The following TNN variants were observed in gnomAD, a reference collection of about 807,000 sequenced individuals.
TNN encodes the protein tenascin N.
A neutral mutation model predicts 134.4 loss-of-function variants in TNN; 122 were observed. The observed-to-expected ratio is 0.91, with a 90% confidence interval of 0.78 to 1.06. The LOEUF is 1.06. TNN is among the 50% of genes least tolerant of loss of function. TNN has a pLI of 0.00. For synonymous variants in TNN, 710 were observed against 670.3 expected, an observed-to-expected ratio of 1.06 and a Z score of -0.91; for missense variants, 1,739 against 1,699.4, an observed-to-expected ratio of 1.02 and a Z score of -0.41.
At chr1:175,138,350 G>A (rs1361433033) in intron 17 of TNN, among the ~76,000 whole-genome samples, 2 of 152,180 alleles carry the variant, frequency 1.3e-5, no homozygotes, top group African/African-American at 4.8e-5. Context: ...TTGCTAGCAG[G>A]ACTTTTCTAT....
intron 1 of TNN, among the ~76,000 whole-genome samples, chr1:175,071,216 C>A (rs537505716): frequency 6.6e-6 from 1 of 152,332 alleles, no homozygotes; most frequent in African/African-American, 2.4e-5. Context: ...AGGTCTGTAA[C>A]AGTGGCTAGA....
intron 5 of TNN, among the ~76,000 whole-genome samples, 161 bp downstream of exon 5, chr1:175,084,096 G>A (rs1328104467): frequency 1.3e-5 from 2 of 152,218 alleles, no homozygotes; most frequent in Non-Finnish European, 2.9e-5. Flanking sequence ...CCAGACATAA[G>A]CCCACCTGGG....
Position 175,135,912 on chromosome 1 carries a change from T to C in TNN, c.3398T>C (p.Phe1133Ser). Residue 1133 changes from phenylalanine to serine, a missense_variant, in exon 16 of 19, where the codon TTT (phenylalanine) becomes TCT (serine). Transcript: ENST00000239462. ...FKRWRSYVEGFGDPMKEFWLG... is the reference protein window; with the variant it reads ...FKRWRSYVEGSGDPMKEFWLG... The stretch of plus-strand genomic sequence containing the variant: ...CGATGGAGGAGCTATGTGGAAGGCT[T>C]TGGGGACCCCATGAAGGAGTTCTGG... 8 of 1,613,748 alleles carry C rather than the reference T, an allele frequency of 5.0e-6. No individual in the cohort carries two copies. The highest frequency in any genetic ancestry group is 6.8e-6 in the Non-Finnish European group (8 of 1,179,792).
intron 10 of TNN, 121 bp from the exon 11 acceptor site, chr1:175,118,440 G>C: frequency 8.3e-7 from 1 of 1,208,754 alleles, no homozygotes; most frequent in East Asian, 2.3e-5. Context: ...AATGAAACAA[G>C]AGCATATGAG....
chr1:175,132,080 G>A (rs1415304631), intron 15 of TNN, among the ~76,000 whole-genome samples: 1 of 152,058 alleles, frequency 6.6e-6, no homozygotes, highest in African/African-American at 2.4e-5. Flanking sequence ...TGGTGGGAAC[G>A]TGATTTGACA....
chr1:175,128,802 G>A (rs556506068), intron 15 of TNN, 56 bp downstream of exon 15: 1 of 1,540,850 alleles, frequency 6.5e-7, no homozygotes, highest in East Asian at 2.3e-5. Flanking sequence ...CTCAGCCCAG[G>A]ATGCCGGTCA....
intron 1 of TNN, among the ~76,000 whole-genome samples, chr1:175,068,198 C>G (rs540220296): frequency 6.6e-6 from 1 of 152,262 alleles, no homozygotes; most frequent in East Asian, 1.9e-4. Context: ...ACAGATGCGT[C>G]TGTGTTGTAT....
At chr1:175,073,336 G>A (rs559301241) in intron 1 of TNN, among the ~76,000 whole-genome samples, 9 of 152,228 alleles carry the variant, frequency 5.9e-5, no homozygotes, top group East Asian at 1.9e-4. Context: ...TGTGATGAAC[G>A]TCTAAGGATG....
intron 12 of TNN, among the ~76,000 whole-genome samples, chr1:175,126,450 C>T (rs565227122): frequency 6.6e-6 from 1 of 152,292 alleles, no homozygotes; most frequent in Non-Finnish European, 1.5e-5. Context: ...CCATATTCTA[C>T]TTAGGGTAAG....
intron 9 of TNN, among the ~76,000 whole-genome samples, chr1:175,101,320 G>A (rs1001749463): frequency 4.6e-5 from 7 of 152,000 alleles, no homozygotes; most frequent in Non-Finnish European, 1.0e-4. Flanking sequence ...GGAGTTGTTG[G>A]TTCCTCCCGG....
Position 175,123,396 on chromosome 1 carries a change from A to G in TNN, c.2651-4A>G. On this transcript the variant is annotated splice_region_variant and splice_polypyrimidine_tract_variant and intron_variant, in intron 11 of 18. Coordinates refer to ENST00000239462, the MANE Select transcript of TNN (RefSeq NM_022093.2). ...TTCAGCCTTTTCTAAATCTTTTTAAAAAGAAATTGACGGCCCCAAAAACCT... is the reference window on the plus strand; with the variant it reads ...TTCAGCCTTTTCTAAATCTTTTTAAGAAGAAATTGACGGCCCCAAAAACCT... 6.2e-7 allele frequency: 1 copy of G among 1,612,868 alleles called. No individual in the cohort carries two copies. Among genetic ancestry groups the G allele is most frequent in the East Asian group, 2.2e-5 (1 of 44,886 alleles).
chr1:175,145,783 C>A (rs1460510139), intron 18 of TNN, among the ~76,000 whole-genome samples: 1 of 151,974 alleles, frequency 6.6e-6, no homozygotes, highest in African/African-American at 2.4e-5. Flanking sequence ...ATTTCTCAAG[C>A]CTCCTCTGCC....
In TNN at chr1:175,119,791, T is replaced by C. The variant is rs11588560; in HGVS notation, c.2650+967T>C. On this transcript the variant is annotated intron_variant, in intron 11 of 18. Transcript: ENST00000239462. ...CTGGGATTACAAGCGCCCGCCACCA[T>C]GCCCGGCTAATTTTGTTTTTGTATT... Among the ~76,000 whole-genome samples, 906 of 152,046 alleles carry C rather than the reference T, an allele frequency of 6.0e-3. 6 individuals are homozygous for C. The highest frequency in any genetic ancestry group is 8.6e-3 in the Non-Finnish European group (584 of 67,956).
chr1:175,144,379 TC>T lies in TNN; in HGVS notation c.3596-6del, dbSNP rs1423543400. On this transcript the variant is annotated splice_region_variant and splice_polypyrimidine_tract_variant and intron_variant, in intron 17 of 18. Transcript: ENST00000239462. ...TGGGCTCTCGCCTCCGTCTCTTCTC[TC>T]CTGCAGGGGATGCTCTTACTTACCA... 6.2e-7 allele frequency: 1 copy of T among 1,613,610 alleles called. No homozygotes were observed.
chr1:175,070,673 T>C (rs994076841), intron 1 of TNN, among the ~76,000 whole-genome samples: 1 of 152,184 alleles, frequency 6.6e-6, no homozygotes. Flanking sequence ...GAAATAAAAA[T>C]GTTTGTATGT....
intron 17 of TNN, 26 bp downstream of exon 17, chr1:175,137,014 G>A (rs757761454): frequency 1.1e-5 from 18 of 1,611,208 alleles, no homozygotes; most frequent in South Asian, 1.1e-4. Flanking sequence ...TTCTTACTGC[G>A]AAGGTCTCTT....
At chr1:175,125,609 TTCTC>T (rs749853192) in intron 12 of TNN, among the ~76,000 whole-genome samples, 176 of 146,694 alleles carry the variant, frequency 1.2e-3, no homozygotes, top group Middle Eastern at 3.5e-3. Flanking sequence ...CTTTCTTTCT[TTCTC>T]TCTCTCTCTC....
intron 12 of TNN, among the ~76,000 whole-genome samples, chr1:175,126,467 C>G (rs1385218612): frequency 2.0e-5 from 3 of 152,172 alleles, no homozygotes; most frequent in Admixed American, 6.5e-5. Context: ...TAAGCTCCTT[C>G]CTCAGGGCTG....
chr1:175,089,314 C>T (rs1674387654), intron 6 of TNN, among the ~76,000 whole-genome samples: 1 of 152,134 alleles, frequency 6.6e-6, no homozygotes, highest in South Asian at 2.1e-4. Flanking sequence ...AACGAGGCAC[C>T]CAGTGTAACT....
Sources: allele counts gnomAD v4.1 joint callset (sites outside exome capture counted in the v4.1 genomes callset), GRCh38; gene constraint gnomAD v4.1.1; transcripts MANE v1.5; gene names NCBI Gene and HGNC (gene_info 2026-07-23, HGNC 2026-07-21).